The following ANK1 variants were observed in gnomAD, a reference collection of about 807,000 sequenced individuals.
ANK1 encodes ankyrin 1.
Under a neutral mutation model 210.4 loss-of-function variants are expected in ANK1, and 51 were observed. That is an observed-to-expected ratio of 0.24 (90% CI 0.19 to 0.31). The LOEUF (loss-of-function observed/expected upper bound fraction) is 0.31. ANK1 is among the 10% of genes least tolerant of loss of function. ANK1 has a pLI of 1.00. For synonymous variants in ANK1, 967 were observed against 1,025.9 expected (o/e 0.94, Z 1.10); for missense variants, 2,051 against 2,504.4 (o/e 0.82, Z 3.86).
In ANK1 at chr8:41,668,308, G is replaced by C. The variant is rs1232279430; in HGVS notation, c.5353C>G (p.Gln1785Glu). 6.2e-7 allele frequency: 1 copy of C among 1,614,116 alleles called. No homozygotes were observed. The highest frequency in any genetic ancestry group is 1.3e-5 in the African/African-American group (1 of 74,934). ...AAGGTGTTCTTGGCCTCCTGCACCT[G>C]CTCTTCTTGGCCTTGCTGCCTCCGG... is the stretch of plus-strand genomic sequence containing the variant. Reference protein sequence around the residue: ...RDRRQQGQEEQVQEAKNTFTQ... With the variant: ...RDRRQQGQEEEVQEAKNTFTQ... Residue 1785 changes from glutamine (Q) to glutamate (E), a missense_variant, in exon 39 of 43, where the codon CAG becomes GAG. Coordinates refer to ENST00000289734, the MANE Select transcript of ANK1 (RefSeq NM_000037.4).
intron 1 of ANK1, among the ~76,000 whole-genome samples, chr8:41,831,653 A>G (rs903593738): frequency 5.2e-5 from 6 of 115,810 alleles, no homozygotes; most frequent in South Asian, 2.6e-4. Flanking sequence ...AAAAAAAAAA[A>G]AAGAAGAAGA....
At chr8:41,876,434 C>A (rs902904369) in intron 1 of ANK1, among the ~76,000 whole-genome samples, 2 of 152,208 alleles carry the variant, frequency 1.3e-5, no homozygotes, top group Admixed American at 1.3e-4. Flanking sequence ...GGGGCTGGGG[C>A]GCATTCAAGG....
chr8:41,855,672 G>A (rs1049619412), intron 1 of ANK1, among the ~76,000 whole-genome samples: 5 of 152,206 alleles, frequency 3.3e-5, no homozygotes, highest in East Asian at 1.9e-4. Flanking sequence ...AAGTGGACAC[G>A]AGAAGATTTG....
chr8:41,678,814 G>A (rs532334249), intron 37 of ANK1, among the ~76,000 whole-genome samples: 41 of 152,166 alleles, frequency 2.7e-4, no homozygotes, highest in East Asian at 9.6e-4. Context: ...ACAGAGTCTC[G>A]CTTTTGTTGC....
intron 16 of ANK1, among the ~76,000 whole-genome samples, chr8:41,713,802 C>T (rs1019299984): frequency 1.3e-5 from 2 of 152,176 alleles, no homozygotes; most frequent in Non-Finnish European, 2.9e-5. Context: ...ATGCTAGAAA[C>T]GGGCTCACCA....
At chr8:41,765,845 C>A (rs540260756) in intron 1 of ANK1, among the ~76,000 whole-genome samples, 1 of 152,058 alleles carries the variant, frequency 6.6e-6, no homozygotes, top group African/African-American at 2.4e-5. Flanking sequence ...GCCGGAAGCA[C>A]GCTGCAGAAT....
At chr8:41,717,072 A>G (rs760022861) in intron 12 of ANK1, 21 bp from the exon 13 acceptor site, 2 of 1,612,982 alleles carry the variant, frequency 1.2e-6, no homozygotes, top group Non-Finnish European at 1.7e-6. Flanking sequence ...ACAAAATTAT[A>G]GAACTGTTCA....
At position 41,723,801 on chromosome 8, in the gene ANK1, T is replaced by A. The variant is rs569289226; in HGVS notation, c.712-168A>T. ...TTTTTTTTTATTTTTTATTTTTTTT[T>A]TTTTTTGAGACGGAGTCTCGCTCTG... On this transcript the variant is annotated intron_variant, in intron 7 of 42. Transcript: ENST00000289734. Among the ~76,000 whole-genome samples, 11 of 150,444 alleles carry A rather than the reference T, an allele frequency of 7.3e-5. No individual in the cohort carries two copies. The South Asian group carries it at 1.5e-3, about 20-fold the overall frequency.
chr8:41,857,776 T>C (rs1812484363), intron 1 of ANK1, among the ~76,000 whole-genome samples: 1 of 150,548 alleles, frequency 6.6e-6, no homozygotes, highest in African/African-American at 2.4e-5. Context: ...TGGTGGCGCA[T>C]GCCTGTAATC....
chr8:41,672,776 G>A lies in ANK1; in HGVS notation c.4674C>T (p.Asp1558=). The A allele has an allele frequency of 1.2e-6, 2 of 1,603,650 alleles. No individual in the cohort carries two copies. The highest frequency in any genetic ancestry group is 1.7e-6 in the Non-Finnish European group (2 of 1,173,666). The change falls in exon 38 of 43, where the codon GAC becomes GAT. Residue 1558 remains aspartate, a synonymous_variant. Transcript: ENST00000289734. ...DAIPLAATEH[D]TMLEMSDMQV... ...GCATGTCAGACATCTCCAGCATGGT[G>A]TCATGCTCCGTGGCCGCCAAGGGGA...
At chr8:41,744,502 T>A (rs1213826269) in intron 2 of ANK1, among the ~76,000 whole-genome samples, 1 of 150,846 alleles carries the variant, frequency 6.6e-6, no homozygotes, top group Non-Finnish European at 1.5e-5. Context: ...AAGATTAACA[T>A]CCCCAGGAGT....
At chr8:41,766,923 G>A (rs2150727714) in intron 1 of ANK1, among the ~76,000 whole-genome samples, 1 of 152,092 alleles carries the variant, frequency 6.6e-6, no homozygotes, top group East Asian at 2.0e-4. Context: ...CCGGCCCAAG[G>A]CCGTGCATCT....
At chr8:41,689,143 G>T (rs1330363667) in intron 33 of ANK1, among the ~76,000 whole-genome samples, 1 of 151,928 alleles carries the variant, frequency 6.6e-6, no homozygotes, top group Non-Finnish European at 1.5e-5. Flanking sequence ...TAAGAGCCAG[G>T]GTCTCACTCT....
chr8:41,702,314 T>C (rs1823064664), intron 20 of ANK1, among the ~76,000 whole-genome samples, 170 bp from the exon 21 acceptor site: 1 of 152,092 alleles, frequency 6.6e-6, no homozygotes, highest in Non-Finnish European at 1.5e-5. Context: ...TGTGCCTAGA[T>C]GTGTGTTAGC....
chr8:41,670,558 C>G (rs1811941556), intron 38 of ANK1, among the ~76,000 whole-genome samples: 1 of 152,218 alleles, frequency 6.6e-6, no homozygotes, highest in Admixed American at 6.5e-5. Flanking sequence ...CTGTTCAATC[C>G]TCCCCATGAA....
intron 2 of ANK1, among the ~76,000 whole-genome samples, chr8:41,741,352 A>G (rs982337145): frequency 6.6e-6 from 1 of 152,106 alleles, no homozygotes; most frequent in African/African-American, 2.4e-5. Flanking sequence ...ACGTAGCCCA[A>G]TACTTCTCAT....
chr8:41,699,891 C>T (rs1040099895), intron 22 of ANK1, among the ~76,000 whole-genome samples: 2 of 152,264 alleles, frequency 1.3e-5, no homozygotes, highest in African/African-American at 4.8e-5. Context: ...CTCTTTTCCA[C>T]TCCACACCAA....
intron 17 of ANK1, among the ~76,000 whole-genome samples, chr8:41,706,500 A>G (rs1824622345): frequency 6.6e-6 from 1 of 152,256 alleles, no homozygotes; most frequent in Non-Finnish European, 1.5e-5. Context: ...TATGACTAAC[A>G]TTTAAATGAA....
rs1363652274 is a variant in ANK1, at chr8:41,661,464, G to T, written c.*2C>A. 1.1e-5 allele frequency: 18 copies of T among 1,613,898 alleles called. No homozygotes were observed. The highest frequency in any genetic ancestry group is 1.4e-5 in the Non-Finnish European group (17 of 1,180,042). On this transcript the variant is annotated 3_prime_UTR_variant, in exon 42 of 43. Transcript: ENST00000289734. Reference sequence around the variant, plus strand: ...GGCTACTCCAAGGAGAGCGGCTCGGGGTCACTGTTTCCCCCTTTTCAGGCT... The same window carrying T: ...GGCTACTCCAAGGAGAGCGGCTCGGTGTCACTGTTTCCCCCTTTTCAGGCT...
Sources: allele counts gnomAD v4.1 joint callset (sites outside exome capture counted in the v4.1 genomes callset), GRCh38; gene constraint gnomAD v4.1.1; transcripts MANE v1.5; gene names NCBI Gene and HGNC (gene_info 2026-07-23, HGNC 2026-07-21).